Variants in FBXL2 observed in about 807,000 individuals in gnomAD.
FBXL2 encodes F-box and leucine rich repeat protein 2, also known as F-box/LRR-repeat protein 2.
A neutral mutation model predicts 69.2 loss-of-function variants in FBXL2; 38 were observed. The ratio of observed to expected loss-of-function variants is 0.55; its 90% CI spans 0.42 to 0.72. The LOEUF is 0.72. Among genes scored for constraint, FBXL2 ranks in the 30% least tolerant of loss-of-function variants. The pLI, the probability that FBXL2 is intolerant of heterozygous loss-of-function variation, is 0.00. For synonymous variants in FBXL2, 192 were observed against 201.3 expected (o/e 0.95, Z 0.39); for missense variants, 354 against 520.3 (o/e 0.68, Z 3.11).
chr3:33,312,335 A>G (rs984988801), intron 2 of FBXL2, among the ~76,000 whole-genome samples: 1 of 152,236 alleles, frequency 6.6e-6, no homozygotes, highest in Admixed American at 6.5e-5. Flanking sequence ...TTGGGATTAC[A>G]TGCATGAGTT....
chr3:33,299,613 G>T (rs1213101636), intron 2 of FBXL2, among the ~76,000 whole-genome samples: 1 of 152,148 alleles, frequency 6.6e-6, no homozygotes, highest in Non-Finnish European at 1.5e-5. Flanking sequence ...TAAGGACTTA[G>T]CTTCTTTGTG....
intron 12 of FBXL2, chr3:33,396,651 G>C: frequency 2.4e-6 from 1 of 410,560 alleles, no homozygotes; most frequent in Non-Finnish European, 4.6e-6. Context: ...ACAATTTACA[G>C]TTTCTGTCAT....
the FBXL2 span, among the ~76,000 whole-genome samples, chr3:33,412,379 A>T: frequency 5.9e-5 from 9 of 152,062 alleles, no homozygotes; most frequent in East Asian, 1.7e-3. Context: ...ACATACATAT[A>T]TATGTATGTG....
intron 2 of FBXL2, chr3:33,317,331 A>T (rs1360044523): frequency 2.6e-6 from 1 of 384,008 alleles, no homozygotes; most frequent in Non-Finnish European, 5.2e-6. Context: ...ACCTCAAGAG[A>T]GAAAACCCAA....
chr3:33,356,106 G>C (rs1269917911), intron 2 of FBXL2, among the ~76,000 whole-genome samples: 1 of 152,150 alleles, frequency 6.6e-6, no homozygotes, highest in Non-Finnish European at 1.5e-5. Context: ...GTTCCTATGT[G>C]TCTCAGCGTG....
intron 12 of FBXL2, chr3:33,397,327 A>C: frequency 2.2e-6 from 1 of 447,292 alleles, no homozygotes. Context: ...TGGCTTTTCC[A>C]TGTCCTGTAT....
chr3:33,323,781 G>A (rs1034141586), intron 2 of FBXL2, among the ~76,000 whole-genome samples: 1 of 152,152 alleles, frequency 6.6e-6, no homozygotes, highest in Non-Finnish European at 1.5e-5. Context: ...GTGTGTATGT[G>A]TCTTTATAGT....
chr3:33,404,936 T>C (rs1204123376), downstream of FBXL2, among the ~76,000 whole-genome samples: 1 of 152,216 alleles, frequency 6.6e-6, no homozygotes, highest in Non-Finnish European at 1.5e-5. Flanking sequence ...TCAAGATGCA[T>C]TTCCAATAAT....
rs534212753 is a variant in FBXL2 at position 33,314,562 on chromosome 3, C to A, written c.65+16837C>A. 5.7e-4 allele frequency among the ~76,000 whole-genome samples: 86 copies of A among 152,192 alleles called. 1 individual carries two copies. Among genetic ancestry groups the A allele is most frequent in the South Asian group, 1.9e-3 (9 of 4,812 alleles). ...TGGAATCTAAAACCATGGTAATGAA[C>A]TTTTTGTATTCCGTTACATTGAACT... On this transcript the variant is annotated intron_variant, in intron 2 of 14. Transcript: ENST00000484457.
chr3:33,309,842 C>T (rs936694300), intron 2 of FBXL2, among the ~76,000 whole-genome samples: 5 of 152,080 alleles, frequency 3.3e-5, no homozygotes, highest in East Asian at 1.9e-4. Flanking sequence ...AGTTATAGCA[C>T]GCTATTTTAA....
At chr3:33,370,162 C>T (rs1312370899) in intron 5 of FBXL2, among the ~76,000 whole-genome samples, 1 of 151,976 alleles carries the variant, frequency 6.6e-6, no homozygotes, top group East Asian at 1.9e-4. Context: ...CGCCTGTAAT[C>T]CCAGCACTTT....
At chr3:33,418,846 C>T in the FBXL2 span, among the ~76,000 whole-genome samples, 22 of 111,952 alleles carry the variant, frequency 2.0e-4, no homozygotes, top group Admixed American at 2.5e-4. Flanking sequence ...GCAACAAGAA[C>T]GAAACTCTGT....
intron 12 of FBXL2, among the ~76,000 whole-genome samples, chr3:33,395,618 G>A (rs957696203): frequency 3.3e-5 from 5 of 151,820 alleles, no homozygotes; most frequent in South Asian, 2.1e-4. Flanking sequence ...CACCAGACGC[G>A]CCACACAAGG....
chr3:33,375,625 A>G (rs1212720406), intron 10 of FBXL2, among the ~76,000 whole-genome samples: 1 of 152,152 alleles, frequency 6.6e-6, no homozygotes, highest in African/African-American at 2.4e-5. Flanking sequence ...AATGTCTACC[A>G]CCAGTGAATC....
At chr3:33,332,031 A>G (rs753992524) in intron 2 of FBXL2, among the ~76,000 whole-genome samples, 1 of 152,202 alleles carries the variant, frequency 6.6e-6, no homozygotes, top group Non-Finnish European at 1.5e-5. Context: ...GATTAAATAT[A>G]TAAATCACCA....
At chr3:33,304,432 T>G (rs1344759024) in intron 2 of FBXL2, among the ~76,000 whole-genome samples, 3 of 152,128 alleles carry the variant, frequency 2.0e-5, no homozygotes, top group Non-Finnish European at 2.9e-5. Context: ...TAGAAATGTT[T>G]TTCACTCAAA....
intron 2 of FBXL2, among the ~76,000 whole-genome samples, chr3:33,319,441 A>G (rs2038007028): frequency 6.6e-6 from 1 of 152,232 alleles, no homozygotes; most frequent in Non-Finnish European, 1.5e-5. Context: ...ATAATTATGG[A>G]AATTATTCCT....
rs1382514831 is a variant in FBXL2 at position 33,373,876 on chromosome 3, G to C, written c.612G>C (p.Gln204His). Reference sequence around the variant, plus strand: ...AAGATGAAGCTCTGAAACACATTCAGAATTACTGCCATGAGCTTGTGAGCC... The same window carrying C: ...AAGATGAAGCTCTGAAACACATTCACAATTACTGCCATGAGCTTGTGAGCC... ...QLEDEALKHI[Q>H]NYCHELVSLN... Residue 204 changes from glutamine to histidine, a missense_variant, in exon 9 of 15, where the codon CAG becomes CAC. Coordinates refer to ENST00000484457, the MANE Select transcript of FBXL2 (RefSeq NM_012157.5). The C allele has an allele frequency of 2.5e-6, 4 of 1,614,066 alleles. No homozygotes were observed. In the Admixed American group the frequency reaches 6.7e-5, roughly 27 times the overall value.
At chr3:33,347,268 C>G (rs1182439852) in intron 2 of FBXL2, among the ~76,000 whole-genome samples, 1 of 152,196 alleles carries the variant, frequency 6.6e-6, no homozygotes, top group African/African-American at 2.4e-5. Context: ...TAATGACCCC[C>G]AGTTCCATTC....
Sources: gnomAD v4.1 joint callset for allele counts (sites outside exome capture counted in the v4.1 genomes callset) on GRCh38, gnomAD v4.1.1 for gene constraint, MANE v1.5 for transcripts, NCBI Gene and HGNC (gene_info 2026-07-23, HGNC 2026-07-21) for gene names.